The following GRID1 variants were observed in gnomAD, a reference collection of about 807,000 sequenced individuals.
GRID1 encodes glutamate ionotropic receptor delta type subunit 1.
Under a neutral mutation model 98.0 loss-of-function variants are expected in GRID1, and 28 were observed. The ratio of observed to expected loss-of-function variants is 0.29; its 90% CI spans 0.21 to 0.39. The LOEUF is 0.39. Ranked by LOEUF, GRID1 falls within the 10% of genes least tolerant of loss-of-function variation. The probability of loss-of-function intolerance (pLI) is 1.00; values close to 1 mark genes in which losing one functional copy is unlikely to be tolerated. For missense variants in GRID1, 1,111 were observed against 1,340.5 expected (o/e 0.83, Z 2.67); for synonymous variants, 553 against 538.5 (o/e 1.03, Z -0.37).
At position 86,366,496 on chromosome 10, in the gene GRID1, G is replaced by T. The variant is rs1182157832; in HGVS notation, c.-104C>A. The T allele has an allele frequency of 1.6e-6, 1 of 644,232 alleles. No homozygotes were observed. Among genetic ancestry groups the T allele is most frequent in the Non-Finnish European group, 2.2e-6 (1 of 455,230 alleles). The allele number at this position is 644,232 out of a possible 1,614,324, so 39.9% of individuals were successfully genotyped here. On this transcript the variant is annotated 5_prime_UTR_variant, in exon 1 of 16. Coordinates refer to ENST00000327946, the MANE Select transcript of GRID1 (RefSeq NM_017551.3). This position sits in a 1 kb window ranked among gnomAD's most constrained non-coding sequence, Gnocchi z 4.1. ...GGTGCAGTCCCGGGCCGCTCCCCGG[G>T]AGAGCCGAGCCCGCCCGTGCGTCTT...
At chr10:86,125,188 G>A (rs538605843) in intron 4 of GRID1, among the ~76,000 whole-genome samples, 41 of 152,226 alleles carry the variant, frequency 2.7e-4, no homozygotes, top group Non-Finnish European at 5.0e-4. Flanking sequence ...TGGCTTCCAC[G>A]TGACTGCCAA....
intron 12 of GRID1, among the ~76,000 whole-genome samples, chr10:85,674,469 T>A (rs1350998151): frequency 2.6e-5 from 4 of 152,198 alleles, no homozygotes; most frequent in Non-Finnish European, 1.5e-5. Context: ...AAAGCTTATA[T>A]TATATCTTTT....
chr10:86,240,992 A>C (rs1010268916), intron 2 of GRID1, among the ~76,000 whole-genome samples: 1 of 152,164 alleles, frequency 6.6e-6, no homozygotes, highest in Non-Finnish European at 1.5e-5. Context: ...TGAAGCCTGA[A>C]TGGACACTGC....
chr10:86,134,342 A>T (rs1844882498), intron 4 of GRID1, among the ~76,000 whole-genome samples: 1 of 152,216 alleles, frequency 6.6e-6, no homozygotes, highest in South Asian at 2.1e-4. Context: ...ATGATGGATG[A>T]GTAGATGGAC....
intron 4 of GRID1, among the ~76,000 whole-genome samples, chr10:86,017,772 T>C (rs532561340): frequency 6.6e-6 from 1 of 152,214 alleles, no homozygotes; most frequent in African/African-American, 2.4e-5. Flanking sequence ...TCTGAGCATG[T>C]TGCAGGTAGA....
chr10:85,799,468 A>C (rs147267987), intron 8 of GRID1, among the ~76,000 whole-genome samples: 1 of 152,282 alleles, frequency 6.6e-6, no homozygotes. Context: ...AATCAACCTA[A>C]GTGCCTACCA....
chr10:86,103,084 T>C (rs187482489), intron 4 of GRID1, among the ~76,000 whole-genome samples: 27 of 152,300 alleles, frequency 1.8e-4, no homozygotes, highest in Admixed American at 1.6e-3. Flanking sequence ...CTCTTTTTCT[T>C]TATAAATTAC....
chr10:86,099,702 T>G (rs918007778), intron 4 of GRID1, among the ~76,000 whole-genome samples: 1 of 152,174 alleles, frequency 6.6e-6, no homozygotes, highest in African/African-American at 2.4e-5. Flanking sequence ...GCCTATGCTT[T>G]TCCTGAGCAT....
chr10:85,700,181 G>A (rs1841435549), intron 12 of GRID1, among the ~76,000 whole-genome samples: 1 of 152,162 alleles, frequency 6.6e-6, no homozygotes, highest in South Asian at 2.1e-4. Flanking sequence ...TATGTGCCAG[G>A]TAACTTTATA....
chr10:85,909,848 G>T (rs1841513108), intron 5 of GRID1, among the ~76,000 whole-genome samples: 1 of 152,102 alleles, frequency 6.6e-6, no homozygotes, highest in Non-Finnish European at 1.5e-5. Context: ...ATGGTTTCCT[G>T]GGTATATACA....
chr10:86,256,911 G>A (rs1374350969), intron 2 of GRID1, among the ~76,000 whole-genome samples: 2 of 152,204 alleles, frequency 1.3e-5, no homozygotes, highest in African/African-American at 4.8e-5. Flanking sequence ...CCCCAGTGAA[G>A]GACACAGTTC....
chr10:86,180,131 G>C (rs114607483), intron 3 of GRID1, among the ~76,000 whole-genome samples: 1 of 152,206 alleles, frequency 6.6e-6, no homozygotes, highest in Non-Finnish European at 1.5e-5. Context: ...TGGTGGAGTG[G>C]TGGAGAGGTG....
chr10:86,000,862 T>C (rs1474051672), intron 4 of GRID1, among the ~76,000 whole-genome samples: 1 of 152,192 alleles, frequency 6.6e-6, no homozygotes, highest in East Asian at 1.9e-4. Flanking sequence ...CACTCCTGGG[T>C]GTTACTCAAC....
At chr10:86,006,297 C>T (rs1159435189) in intron 4 of GRID1, among the ~76,000 whole-genome samples, 1 of 152,136 alleles carries the variant, frequency 6.6e-6, no homozygotes, top group African/African-American at 2.4e-5. Flanking sequence ...TCATTCCAAA[C>T]ACAAAAATTA....
rs577630876 is a variant in GRID1, at chr10:86,366,310, T to A, written c.79+4A>T. 34 of 1,492,712 alleles carry A rather than the reference T, an allele frequency of 2.3e-5. No individual in the cohort carries two copies. The African/African-American group carries it at 4.7e-4, about 20-fold the overall frequency. The allele number at this position is 1,492,712 out of a possible 1,614,324, so 92.5% of individuals were successfully genotyped here. On this transcript the variant is annotated splice_donor_region_variant and intron_variant, in intron 1 of 15. Transcript: ENST00000327946. The surrounding 1 kb of genome is among the most constrained non-coding windows in gnomAD (Gnocchi z 4.1). ...GCCTCGGCCCGGCCTCCAGCCGCGC[T>A]TACCGATGTGGATGATGGAGTCGGC...
chr10:85,768,163 G>A (rs1309378348), intron 8 of GRID1, among the ~76,000 whole-genome samples: 4 of 152,164 alleles, frequency 2.6e-5, no homozygotes, highest in Admixed American at 2.0e-4. Context: ...CCCTAAGGAA[G>A]TGTGGAAAAT....
intron 2 of GRID1, among the ~76,000 whole-genome samples, chr10:86,325,106 A>T (rs781770692): frequency 3.9e-5 from 6 of 152,234 alleles, no homozygotes; most frequent in Non-Finnish European, 7.3e-5. Flanking sequence ...CAACCAATCC[A>T]CAATCTTAAA....
chr10:86,328,314 GC>G (rs372068942), intron 2 of GRID1, among the ~76,000 whole-genome samples: 268 of 152,336 alleles, frequency 1.8e-3, no homozygotes, highest in African/African-American at 5.9e-3. Flanking sequence ...CAGGAAACGG[GC>G]CTTTTGTTTC....
intron 5 of GRID1, among the ~76,000 whole-genome samples, chr10:85,876,818 G>A (rs541361934): frequency 1.8e-4 from 28 of 152,312 alleles, no homozygotes; most frequent in South Asian, 8.3e-4. Flanking sequence ...TGCCTCACTC[G>A]GAAGTGCAAG....
Sources: gnomAD v4.1 joint callset for allele counts (sites outside exome capture counted in the v4.1 genomes callset) on GRCh38, gnomAD v4.1.1 for gene constraint, Gnocchi (gnomAD v3.1) non-coding constraint, MANE v1.5 for transcripts, NCBI Gene and HGNC (gene_info 2026-07-23, HGNC 2026-07-21) for gene names.